The following ENTPD1 variants were observed in gnomAD, a reference collection of about 807,000 sequenced individuals.
The protein encoded by ENTPD1 is ATP diphosphohydrolase.
ENTPD1 carries 33 observed loss-of-function variants against 57.0 expected under a neutral mutation model. That is an observed-to-expected ratio of 0.58 (90% CI 0.44 to 0.77). The LOEUF (loss-of-function observed/expected upper bound fraction) is 0.77. Ranked by LOEUF, ENTPD1 falls within the 30% of genes least tolerant of loss-of-function variation. ENTPD1 has a pLI of 0.00. For synonymous variants in ENTPD1, 202 were observed against 218.8 expected (o/e 0.92, Z 0.68); for missense variants, 501 against 603.4 (o/e 0.83, Z 1.78).
intron 7 of ENTPD1, among the ~76,000 whole-genome samples, chr10:95,857,735 T>G (rs1590183710): frequency 6.6e-6 from 1 of 152,200 alleles, no homozygotes; most frequent in Non-Finnish European, 1.5e-5. Context: ...CCAAGTGCCA[T>G]GTTAGTGAGG....
At chr10:95,700,512 C>T in the ENTPD1 span, among the ~76,000 whole-genome samples, 1 of 152,008 alleles carries the variant, frequency 6.6e-6, no homozygotes, top group Non-Finnish European at 1.5e-5. Context: ...CATAGTGAGA[C>T]TCCGTTCCTA....
rs1184154428 is a variant in ENTPD1, at chr10:95,873,993, T to C, written c.*7610T>C. ...GCGTCCCTCCCACAACATGTGGGAATTCTGGGAGATACAATTCAAGTTGAG... is the reference window on the plus strand; with the variant it reads ...GCGTCCCTCCCACAACATGTGGGAACTCTGGGAGATACAATTCAAGTTGAG... On this transcript the variant is annotated 3_prime_UTR_variant, in exon 10 of 10. Transcript: ENST00000371205. Among the ~76,000 whole-genome samples, 3 of 152,182 alleles carry C rather than the reference T, an allele frequency of 2.0e-5. No homozygotes were observed. Among genetic ancestry groups the C allele is most frequent in the Admixed American group, 1.3e-4 (2 of 15,282 alleles).
upstream of ENTPD1, chr10:95,755,040 A>G (rs1231084309): frequency 6.6e-6 from 1 of 152,252 alleles, no homozygotes; most frequent in African/African-American, 2.4e-5. Flanking sequence ...CCAGACAAGC[A>G]ATGTAGAAAA....
the ENTPD1 span, among the ~76,000 whole-genome samples, chr10:95,695,078 A>G: frequency 6.6e-6 from 1 of 151,414 alleles, no homozygotes; most frequent in African/African-American, 2.4e-5. Context: ...TTTTATTTTT[A>G]TTTTTAGTAG....
the ENTPD1 span, among the ~76,000 whole-genome samples, chr10:95,705,277 ATGTGTG>A: frequency 3.3e-5 from 5 of 150,064 alleles, no homozygotes; most frequent in African/African-American, 1.2e-4. Flanking sequence ...CCAGTAGAAA[ATGTGTG>A]TGTGTGTGTG....
intron 1 of ENTPD1, among the ~76,000 whole-genome samples, chr10:95,734,409 G>A (rs946049432): frequency 2.0e-5 from 3 of 152,196 alleles, no homozygotes; most frequent in Non-Finnish European, 4.4e-5. Context: ...ATAAAAAACA[G>A]AGACAAAAAG....
chr10:95,868,451 C>T lies in ENTPD1; in HGVS notation c.*2068C>T. 1 of 985,386 alleles carries T rather than the reference C, an allele frequency of 1.0e-6. No homozygotes were observed. The highest frequency in any genetic ancestry group is 1.2e-6 in the Non-Finnish European group (1 of 829,930). The allele number at this position is 985,386 out of a possible 1,614,324, so 61.0% of individuals were successfully genotyped here. On this transcript the variant is annotated 3_prime_UTR_variant, in exon 10 of 10. Coordinates refer to ENST00000371205, the MANE Select transcript of ENTPD1 (RefSeq NM_001776.6). ...TAATCAGTGGTTCCCATACCCCTGG[C>T]TTCCTAATTTTAATGTTTGCTCACA...
chr10:95,867,985 A>G lies in ENTPD1; in HGVS notation c.*1602A>G. On this transcript the variant is annotated 3_prime_UTR_variant, in exon 10 of 10. Coordinates refer to ENST00000371205, the MANE Select transcript of ENTPD1 (RefSeq NM_001776.6). ...ATTAGGAATCAAAATTCGAATTGGG[A>G]CATGTTCAAATTCTTTCTTGTGGTA... 4.1e-6 allele frequency: 4 copies of G among 985,482 alleles called. No homozygotes were observed. Among genetic ancestry groups the G allele is most frequent in the Non-Finnish European group, 4.8e-6 (4 of 829,934 alleles). 61.0% of individuals were successfully genotyped at this position (985,482 alleles called of 1,614,324 possible). A position where few individuals can be genotyped will look rare whatever the true frequency, so the allele number is the denominator to read the frequency against.
chr10:95,838,598 A>G (rs2098416016), intron 2 of ENTPD1, among the ~76,000 whole-genome samples: 2 of 152,236 alleles, frequency 1.3e-5, no homozygotes, highest in South Asian at 2.1e-4. Flanking sequence ...AAACAGGCAG[A>G]ACTCATACAT....
intron 1 of ENTPD1, among the ~76,000 whole-genome samples, chr10:95,717,304 C>A (rs1334862358): frequency 6.7e-6 from 1 of 149,692 alleles, no homozygotes; most frequent in African/African-American, 2.5e-5. Context: ...TTATCTTACA[C>A]ACATTGTTCA....
chr10:95,810,140 G>GGGT (rs2140433672), intron 1 of ENTPD1, among the ~76,000 whole-genome samples: 4 of 144,170 alleles, frequency 2.8e-5, no homozygotes, highest in South Asian at 2.3e-4. Flanking sequence ...CTCCCGGACG[G>GGGT]GGCGGCCGGG....
the ENTPD1 span, among the ~76,000 whole-genome samples, chr10:95,705,817 G>A: frequency 2.0e-5 from 3 of 152,310 alleles, no homozygotes; most frequent in East Asian, 3.9e-4. Context: ...AATGATAATC[G>A]TGTTGATTTG....
the ENTPD1 span, among the ~76,000 whole-genome samples, chr10:95,695,942 A>G: frequency 3.9e-5 from 6 of 152,280 alleles, no homozygotes; most frequent in African/African-American, 1.4e-4. Context: ...TTTTGCAACC[A>G]ATTTACCATG....
At chr10:95,702,730 A>T in the ENTPD1 span, among the ~76,000 whole-genome samples, 1 of 152,200 alleles carries the variant, frequency 6.6e-6, no homozygotes, top group Non-Finnish European at 1.5e-5. Context: ...ACAAAGAGAA[A>T]ATCTTTAAAA....
At chr10:95,803,165 G>A (rs538643593) in intron 1 of ENTPD1, among the ~76,000 whole-genome samples, 367 of 152,256 alleles carry the variant, frequency 2.4e-3, no homozygotes, top group Non-Finnish European at 4.2e-3. Context: ...CCATTTTAAC[G>A]ATATGGAATC....
the ENTPD1 span, among the ~76,000 whole-genome samples, chr10:95,702,241 G>A: frequency 8.6e-5 from 13 of 151,916 alleles, no homozygotes; most frequent in Non-Finnish European, 1.9e-4. Context: ...ATATATATAT[G>A]ATTAATATAC....
intron 2 of ENTPD1, among the ~76,000 whole-genome samples, chr10:95,835,664 A>G (rs1275351362): frequency 2.6e-5 from 4 of 152,136 alleles, no homozygotes; most frequent in Admixed American, 1.3e-4. Flanking sequence ...TTGTGGTTTT[A>G]ACATTCATCT....
chr10:95,709,544 C>G (rs533875482), upstream of ENTPD1, among the ~76,000 whole-genome samples: 2 of 152,118 alleles, frequency 1.3e-5, no homozygotes, highest in South Asian at 4.2e-4. Context: ...CCACCACGCC[C>G]GGCTAATTTT....
chr10:95,849,389 T>G (rs1317731063), intron 7 of ENTPD1, among the ~76,000 whole-genome samples: 1 of 152,230 alleles, frequency 6.6e-6, no homozygotes. Context: ...TTTGCCTGCC[T>G]TCATGCTTTC....
Sources: gnomAD v4.1 joint callset for allele counts (sites outside exome capture counted in the v4.1 genomes callset) on GRCh38, gnomAD v4.1.1 for gene constraint, MANE v1.5 for transcripts, NCBI Gene and HGNC (gene_info 2026-07-23, HGNC 2026-07-21) for gene names.